Variants in CFAP46 observed in about 807,000 individuals in gnomAD.
The protein encoded by CFAP46 is cilia- and flagella-associated protein 46.
In CFAP46, 245 loss-of-function variants were observed where a neutral mutation model predicts 325.7. The ratio of observed to expected loss-of-function variants is 0.75; its 90% confidence interval spans 0.68 to 0.84. The LOEUF (loss-of-function observed/expected upper bound fraction) is 0.84. CFAP46 is among the 40% of genes least tolerant of loss of function. The pLI is 0.00. For synonymous variants in CFAP46, 1,523 were observed against 1,495.9 expected (o/e 1.02, Z -0.42); for missense variants, 3,346 against 3,543.0 (o/e 0.94, Z 1.41).
intron 5 of CFAP46, among the ~76,000 whole-genome samples, chr10:132,938,336 C>G (rs1198518613): frequency 6.6e-6 from 1 of 152,256 alleles, no homozygotes; most frequent in African/African-American, 2.4e-5. Context: ...ATCTGCTTTG[C>G]TGGGAGTCTA....
intron 17 of CFAP46, among the ~76,000 whole-genome samples, chr10:132,915,586 G>C (rs943877049): frequency 6.6e-6 from 1 of 151,746 alleles, no homozygotes; most frequent in African/African-American, 2.4e-5. Context: ...CGAGGGACCG[G>C]TGAGGGCGGG....
At chr10:132,818,377 G>C (rs1396550089) in intron 50 of CFAP46, among the ~76,000 whole-genome samples, 1 of 152,052 alleles carries the variant, frequency 6.6e-6, no homozygotes, top group African/African-American at 2.4e-5. Context: ...TGTCATCGGA[G>C]AATATTTTCA....
Position 132,939,313 on chromosome 10 carries a change from T to C in CFAP46, c.372-560A>G, listed in dbSNP as rs1028224363. On this transcript the variant is annotated intron_variant, in intron 4 of 57. Coordinates refer to ENST00000368586, the MANE Select transcript of CFAP46 (RefSeq NM_001200049.3). The surrounding 1 kb of genome is among the most constrained non-coding windows in gnomAD (Gnocchi z 4.6). ...AAAGTTCCCGTCTGCCAGCATAGAGTGTGAAGTGGAGGAGGGTGGGCTGGA... is the reference window on the plus strand; with the variant it reads ...AAAGTTCCCGTCTGCCAGCATAGAGCGTGAAGTGGAGGAGGGTGGGCTGGA... Among the ~76,000 whole-genome samples the C allele has an allele frequency of 8.6e-5, 13 of 151,688 alleles. No individual in the cohort carries two copies. The highest frequency in any genetic ancestry group is 1.6e-4 in the Non-Finnish European group (11 of 67,904).
intron 11 of CFAP46, 111 bp from the exon 12 acceptor site, chr10:132,922,819 T>TGGTGCCC: frequency 1.2e-6 from 1 of 819,242 alleles, no homozygotes; most frequent in Non-Finnish European, 1.9e-6. Context: ...AGGGCAGGCT[T>TGGTGCCC]GGTGCCCGGT....
rs147567758 is a variant in CFAP46, at chr10:132,901,067, C to T, written c.2925-1401G>A. ...CTTGTGGTTGGCACTTGCAGAGTGCCTCTCTCCCATCCTTTTACCTTCAAT... is the reference window on the plus strand; with the variant it reads ...CTTGTGGTTGGCACTTGCAGAGTGCTTCTCTCCCATCCTTTTACCTTCAAT... On this transcript the variant is annotated intron_variant, in intron 22 of 57. Coordinates refer to ENST00000368586, the MANE Select transcript of CFAP46 (RefSeq NM_001200049.3). Among the ~76,000 whole-genome samples the T allele has an allele frequency of 9.4e-3, 1,433 of 152,298 alleles. 13 individuals are homozygous for T. The highest frequency in any genetic ancestry group is 0.043 in the South Asian group (207 of 4,816).
chr10:132,941,770 C>A, intron 2 of CFAP46, 48 bp from the exon 3 acceptor site: 1 of 1,610,042 alleles, frequency 6.2e-7, no homozygotes, highest in Non-Finnish European at 8.5e-7. Context: ...GAGGGGTGGC[C>A]TCCCTGCCCA....
chr10:132,895,668 T>C (rs1849308008), intron 24 of CFAP46, among the ~76,000 whole-genome samples: 1 of 152,206 alleles, frequency 6.6e-6, no homozygotes. Context: ...GTGTTTTTAT[T>C]CACCAGGAAT....
intron 27 of CFAP46, among the ~76,000 whole-genome samples, chr10:132,881,970 GTGTGTGGTCTGTGTGGGA>G (rs2135376116): frequency 6.6e-6 from 1 of 152,104 alleles, no homozygotes; most frequent in African/African-American, 2.4e-5. Context: ...GATGTGGGGT[GTGTGTGGTCTGTGTGGGA>G]TGTGGGGTAT....
At chr10:132,838,221 GC>G (rs1219884330) in intron 44 of CFAP46, among the ~76,000 whole-genome samples, 4 of 152,272 alleles carry the variant, frequency 2.6e-5, no homozygotes, top group Non-Finnish European at 5.9e-5. Context: ...GCCCCTGAGG[GC>G]CAGCCAGAGG....
Position 132,877,634 on chromosome 10 carries a change from C to T in CFAP46, c.4212+247G>A, listed in dbSNP as rs1193655687. ...TTTACAGACATTCCCCTGTATTGTC[C>T]TCCAAGAACCCTGACAGGGAGAGAA... On this transcript the variant is annotated intron_variant, in intron 30 of 57. Transcript: ENST00000368586. The surrounding 1 kb of genome is among the most constrained non-coding windows in gnomAD (Gnocchi z 5.7). Among the ~76,000 whole-genome samples the T allele has an allele frequency of 6.6e-6, 1 of 152,092 alleles. No homozygotes were observed. The highest frequency in any genetic ancestry group is 1.5e-5 in the Non-Finnish European group (1 of 68,010).
chr10:132,823,256 GTGC>G (rs1469655760), intron 50 of CFAP46, among the ~76,000 whole-genome samples: 83 of 135,370 alleles, frequency 6.1e-4, no homozygotes, highest in Non-Finnish European at 1.1e-3. Context: ...GCGCTGATGT[GTGC>G]TGTGTGAGTG....
In CFAP46 at chr10:132,830,083, C is replaced by T. The variant is rs1007063166; in HGVS notation, c.7117+3275G>A. Among the ~76,000 whole-genome samples, 22 of 151,848 alleles carry T rather than the reference C, an allele frequency of 1.4e-4. 1 individual carries two copies. The highest frequency in any genetic ancestry group is 5.3e-4 in the Admixed American group (8 of 15,234). On this transcript the variant is annotated intron_variant, in intron 50 of 57. Transcript: ENST00000368586. Reference sequence around the variant, plus strand: ...GAAGCAGAGTCTCCTCTTTTAATTGCTGTGGGAGGATGTGTGTAGAAATCC... The same window carrying T: ...GAAGCAGAGTCTCCTCTTTTAATTGTTGTGGGAGGATGTGTGTAGAAATCC...
At position 132,924,741 on chromosome 10, in the gene CFAP46, C is replaced by T. The variant is rs769969141; in HGVS notation, c.1211G>A (p.Arg404Gln). ...GTCCGCAACGCCAGCCAGGGGCTTC[C>T]GCAGGTGGTGCCGCAGGTTGTGCTG... ...LLQHNLRHHL[R>Q]KPLAGVADVL... Residue 404 changes from arginine (R) to glutamine (Q), a missense_variant, in exon 11 of 58, where the codon CGG (arginine) becomes CAG (glutamine). Coordinates refer to ENST00000368586, the MANE Select transcript of CFAP46 (RefSeq NM_001200049.3). The T allele has an allele frequency of 2.8e-5, 43 of 1,539,736 alleles. No individual in the cohort carries two copies. The African/African-American group carries it at 3.3e-4, about 12-fold the overall frequency.
chr10:132,920,013 C>A (rs1303509567), intron 14 of CFAP46, 46 bp downstream of exon 14: 19 of 1,466,006 alleles, frequency 1.3e-5, no homozygotes, highest in Non-Finnish European at 1.6e-5. Flanking sequence ...GCTGAGCGAC[C>A]CCCGGGCTGA....
rs143247042 is a variant in CFAP46 at position 132,885,877 on chromosome 10, G to A, written c.3387C>T (p.Gly1129=). ...HSHADQDDWE[G]GLKVLDEAVQ... The stretch of plus-strand genomic sequence containing the variant: ...CAGCCTCGTCCAGCACCTTGAGGCC[G>A]CCCTCCCAGTCGTCCTGGTCGGCAT... Residue 1129 remains glycine (G), a synonymous_variant, in exon 26 of 58, where the codon GGC becomes GGT. Transcript: ENST00000368586. 554 of 1,550,200 alleles carry A rather than the reference G, an allele frequency of 3.6e-4. 4 individuals are homozygous for A. The African/African-American group carries it at 5.8e-3, about 16-fold the overall frequency.
Position 132,891,488 on chromosome 10 carries a change from G to A in CFAP46, c.3304+845C>T, listed in dbSNP as rs183914358. 2.7e-3 allele frequency among the ~76,000 whole-genome samples: 415 copies of A among 152,316 alleles called. 2 individuals are homozygous for A. The highest frequency in any genetic ancestry group is 9.6e-3 in the African/African-American group (397 of 41,570). ...TCCAGCCTGACTCTAGCATAGCATC[G>A]CATGACAGATAGCAGGCCTGAAAGA... On this transcript the variant is annotated intron_variant, in intron 25 of 57. Coordinates refer to ENST00000368586, the MANE Select transcript of CFAP46 (RefSeq NM_001200049.3).
chr10:132,834,614 G>A (rs372072137), intron 48 of CFAP46, 40 bp downstream of exon 48: 1 of 1,607,182 alleles, frequency 6.2e-7, no homozygotes, highest in East Asian at 2.2e-5. Flanking sequence ...GTCCATGCGT[G>A]AGCGTGGTGG....
At position 132,832,444 on chromosome 10, in the gene CFAP46, G is replaced by A. The variant is rs566364765; in HGVS notation, c.7117+914C>T. On this transcript the variant is annotated intron_variant, in intron 50 of 57. Coordinates refer to ENST00000368586, the MANE Select transcript of CFAP46 (RefSeq NM_001200049.3). This position sits in a 1 kb window ranked among gnomAD's most constrained non-coding sequence, Gnocchi z 4.1. ...TTCCCCAGAGAGTAAGACCTGGGTG[G>A]GCCATGGCGCTCGCCAGCCAAACCC... Among the ~76,000 whole-genome samples, 10 of 149,598 alleles carry A rather than the reference G, an allele frequency of 6.7e-5. No individual in the cohort carries two copies. The highest frequency in any genetic ancestry group is 6.4e-4 in the South Asian group (3 of 4,678).
At chr10:132,843,841 G>T (rs12265314) in intron 44 of CFAP46, among the ~76,000 whole-genome samples, 1 of 90,752 alleles carries the variant, frequency 1.1e-5, no homozygotes, top group African/African-American at 4.5e-5. Flanking sequence ...CTGTGGTCTC[G>T]GTGGGTGTTC....
Sources: allele counts gnomAD v4.1 joint callset (sites outside exome capture counted in the v4.1 genomes callset), GRCh38; gene constraint gnomAD v4.1.1; non-coding constraint Gnocchi (gnomAD v3.1); transcripts MANE v1.5; gene names NCBI Gene and HGNC (gene_info 2026-07-23, HGNC 2026-07-21).